Variants in MEIS2 observed in about 807,000 individuals in gnomAD.
The protein encoded by MEIS2 is homeobox protein Meis2.
Under a neutral mutation model 58.6 loss-of-function variants are expected in MEIS2, and 9 were observed. That is an observed-to-expected ratio of 0.15 (90% confidence interval 0.09 to 0.27). The LOEUF is 0.27. MEIS2 is among the 10% of genes least tolerant of loss of function. The pLI is 1.00. For missense variants in MEIS2, 427 were observed against 635.0 expected, an observed-to-expected ratio of 0.67 and a Z score of 3.52; for synonymous variants, 221 against 228.4, an observed-to-expected ratio of 0.97 and a Z score of 0.29.
chr15:37,001,388 C>T (rs1266830929), intron 8 of MEIS2, among the ~76,000 whole-genome samples: 1 of 152,156 alleles, frequency 6.6e-6, no homozygotes, highest in Non-Finnish European at 1.5e-5. Flanking sequence ...TTTAGTTCTG[C>T]ATTTCAAATG....
At chr15:37,004,966 C>CA (rs1367360946) in intron 8 of MEIS2, among the ~76,000 whole-genome samples, 1 of 150,880 alleles carries the variant, frequency 6.6e-6, no homozygotes, top group East Asian at 1.9e-4. Flanking sequence ...CAAATATGTA[C>CA]AATTATGATA....
intron 9 of MEIS2, among the ~76,000 whole-genome samples, chr15:36,899,650 A>C (rs2056367882): frequency 6.6e-6 from 1 of 152,342 alleles, no homozygotes; most frequent in African/African-American, 2.4e-5. Context: ...GAAGAAGCTA[A>C]GTTGAAAATC....
intron 8 of MEIS2, among the ~76,000 whole-genome samples, chr15:37,019,820 G>T (rs1465054446): frequency 6.6e-6 from 1 of 152,116 alleles, no homozygotes; most frequent in African/African-American, 2.4e-5. Context: ...AAAACCACAG[G>T]AGCAAGCACT....
chr15:37,086,264 G>A (rs538196588), intron 6 of MEIS2, among the ~76,000 whole-genome samples: 1 of 152,218 alleles, frequency 6.6e-6, no homozygotes, highest in Non-Finnish European at 1.5e-5. Context: ...TTCTGTTTAG[G>A]TGCTGCATTG....
At chr15:36,911,357 T>G (rs1190872821) in intron 9 of MEIS2, among the ~76,000 whole-genome samples, 3 of 152,086 alleles carry the variant, frequency 2.0e-5, no homozygotes, top group African/African-American at 4.8e-5. Flanking sequence ...ACCTTCTGGA[T>G]GTTTCATTAA....
At chr15:36,922,328 A>G (rs1219780145) in intron 9 of MEIS2, among the ~76,000 whole-genome samples, 1 of 152,176 alleles carries the variant, frequency 6.6e-6, no homozygotes, top group Non-Finnish European at 1.5e-5. Flanking sequence ...AGCATATATA[A>G]AAGTGCCCCG....
chr15:36,930,526 C>T (rs2057936087), intron 9 of MEIS2, among the ~76,000 whole-genome samples: 1 of 152,136 alleles, frequency 6.6e-6, no homozygotes, highest in Non-Finnish European at 1.5e-5. Flanking sequence ...TGCATTATCG[C>T]TCATTCCTCA....
chr15:37,031,637 A>C (rs553553661), intron 8 of MEIS2, among the ~76,000 whole-genome samples: 8 of 152,082 alleles, frequency 5.3e-5, no homozygotes, highest in Non-Finnish European at 8.8e-5. Flanking sequence ...ACAAAATCCC[A>C]TAAGTCAGAT....
chr15:36,963,059 C>G (rs1031911348), intron 8 of MEIS2, among the ~76,000 whole-genome samples: 1 of 152,180 alleles, frequency 6.6e-6, no homozygotes, highest in Non-Finnish European at 1.5e-5. Context: ...CCATTCAACT[C>G]AGGACTCTGG....
At chr15:37,048,861 T>G (rs1420536854) in intron 7 of MEIS2, among the ~76,000 whole-genome samples, 1 of 152,204 alleles carries the variant, frequency 6.6e-6, no homozygotes, top group Non-Finnish European at 1.5e-5. Flanking sequence ...TGACTGGTTT[T>G]AGGTGAATAC....
At chr15:37,025,924 A>G (rs575010528) in intron 8 of MEIS2, among the ~76,000 whole-genome samples, 1 of 152,272 alleles carries the variant, frequency 6.6e-6, no homozygotes, top group South Asian at 2.1e-4. Flanking sequence ...TCAAAGTGCC[A>G]TCAGGTAATC....
chr15:36,927,364 A>G (rs1253427210), intron 9 of MEIS2, among the ~76,000 whole-genome samples: 1 of 152,286 alleles, frequency 6.6e-6, no homozygotes, highest in Non-Finnish European at 1.5e-5. Context: ...AGGCAGGTAG[A>G]GAACCTGGAA....
intron 1 of MEIS2, chr15:37,098,507 A>T (rs1022765244): frequency 1.5e-5 from 10 of 667,946 alleles, no homozygotes; most frequent in Admixed American, 9.3e-5. Flanking sequence ...AGCCAAAACA[A>T]CGGAGTTAAA....
intron 9 of MEIS2, among the ~76,000 whole-genome samples, chr15:36,941,528 G>T (rs1204533022): frequency 6.6e-6 from 1 of 152,110 alleles, no homozygotes; most frequent in African/African-American, 2.4e-5. Flanking sequence ...GTATTTTTCT[G>T]AATTTTAGAA....
intron 8 of MEIS2, among the ~76,000 whole-genome samples, chr15:36,958,124 G>C (rs998145346): frequency 6.6e-6 from 1 of 152,126 alleles, no homozygotes; most frequent in Non-Finnish European, 1.5e-5. Context: ...GCCTCCTATA[G>C]AATTCAGAAA....
chr15:36,971,537 T>TTAAAAAAAAAAAA (rs2059564264), intron 8 of MEIS2, among the ~76,000 whole-genome samples: 2 of 67,086 alleles, frequency 3.0e-5, no homozygotes, highest in African/African-American at 1.4e-4. Flanking sequence ...CTTGTTACAT[T>TTAAAAAAAAAAAA]AAAAAAAAAA....
intron 8 of MEIS2, among the ~76,000 whole-genome samples, chr15:36,997,416 C>T (rs898881339): frequency 5.9e-5 from 9 of 151,758 alleles, no homozygotes; most frequent in Non-Finnish European, 1.3e-4. Flanking sequence ...ATCCCAGTGT[C>T]ACAGGGTTGG....
intron 8 of MEIS2, among the ~76,000 whole-genome samples, chr15:36,987,213 G>A (rs904635341): frequency 1.3e-5 from 2 of 151,944 alleles, no homozygotes; most frequent in African/African-American, 4.8e-5. Context: ...TTTGAGATGA[G>A]CCTGGGCAAC....
chr15:36,908,948 A>C (rs2056874340), intron 9 of MEIS2, among the ~76,000 whole-genome samples: 1 of 152,136 alleles, frequency 6.6e-6, no homozygotes, highest in African/African-American at 2.4e-5. Context: ...TCAAAATAAT[A>C]ATAATAATAA....
Sources: gnomAD v4.1 joint callset for allele counts (sites outside exome capture counted in the v4.1 genomes callset) on GRCh38, gnomAD v4.1.1 for gene constraint, MANE v1.5 for transcripts, NCBI Gene and HGNC (gene_info 2026-07-23, HGNC 2026-07-21) for gene names.